The following TEX101 variants were observed in gnomAD, a reference collection of about 807,000 sequenced individuals.
TEX101 encodes testis expressed 101, also known as testis-expressed protein 101.
TEX101 carries 10 observed loss-of-function variants against 18.1 expected under a neutral mutation model. The ratio of observed to expected loss-of-function variants is 0.55; its 90% confidence interval spans 0.34 to 0.94. The LOEUF (loss-of-function observed/expected upper bound fraction) is 0.94. TEX101 is among the 40% of genes least tolerant of loss of function. TEX101 has a pLI of 0.02. For synonymous variants in TEX101, 94 were observed against 114.8 expected (o/e 0.82, Z 1.16); for missense variants, 259 against 298.9 (o/e 0.87, Z 0.98).
the TEX101 span, among the ~76,000 whole-genome samples, chr19:43,389,819 T>A: frequency 6.6e-6 from 1 of 152,264 alleles, no homozygotes; most frequent in African/African-American, 2.4e-5. Flanking sequence ...GTCCTACATC[T>A]CTCTCTGCTG....
chr19:43,405,095 G>A (rs936016597), intron 2 of TEX101, among the ~76,000 whole-genome samples: 1 of 152,186 alleles, frequency 6.6e-6, no homozygotes, highest in Non-Finnish European at 1.5e-5. Context: ...TCCCTGCAAG[G>A]TTAGTTAGTA....
intron 1 of TEX101, among the ~76,000 whole-genome samples, chr19:43,402,536 G>C (rs1471805432): frequency 6.6e-6 from 1 of 151,860 alleles, no homozygotes; most frequent in Non-Finnish European, 1.5e-5. Flanking sequence ...CAGCAGCACT[G>C]GTTTAATGAC....
the TEX101 span, among the ~76,000 whole-genome samples, chr19:43,393,632 A>G: frequency 1.3e-5 from 2 of 152,300 alleles, no homozygotes; most frequent in East Asian, 3.9e-4. Context: ...CTTGGCATGA[A>G]TCCCCATTCA....
upstream of TEX101, among the ~76,000 whole-genome samples, chr19:43,413,276 C>A (rs571174585): frequency 5.9e-5 from 9 of 151,618 alleles, no homozygotes; most frequent in Admixed American, 5.9e-4. Context: ...GGGGGGCGGG[C>A]GGATCACGAG....
rs757200433 is a variant in TEX101, at chr19:43,406,513, G to C, written c.9G>C (p.Ala3=). Residue 3 remains alanine (A), a synonymous_variant, in exon 3 of 8, where the codon GCG becomes GCC. Coordinates refer to the TEX101 transcript ENST00000602198. ...CCATCTTCAGTTCCCGCATGGGGGC[G>C]AGGCAGGTACATGGGCCTTGCGGGC... is the stretch of plus-strand genomic sequence containing the variant. 6 of 751,912 alleles carry C rather than the reference G, an allele frequency of 8.0e-6. No individual in the cohort carries two copies. In the Admixed American group the frequency reaches 1.1e-4, roughly 14 times the overall value. 46.6% of individuals were successfully genotyped at this position (751,912 alleles called of 1,614,324 possible). A position where few individuals can be genotyped will look rare whatever the true frequency, so the allele number is the denominator to read the frequency against.
chr19:43,414,392 C>T (rs112968680), upstream of TEX101, among the ~76,000 whole-genome samples: 4 of 152,212 alleles, frequency 2.6e-5, no homozygotes, highest in African/African-American at 4.8e-5. Context: ...GGTGCGATAG[C>T]GCAATCAGAT....
upstream of TEX101, among the ~76,000 whole-genome samples, chr19:43,397,680 T>C (rs1970279352): frequency 6.8e-6 from 1 of 147,778 alleles, no homozygotes; most frequent in Non-Finnish European, 1.5e-5. Context: ...CACAATACCG[T>C]GATCACGCCT....
At chr19:43,416,324 C>A in intron 3 of TEX101, 49 bp from the exon 4 acceptor site, 1 of 1,589,902 alleles carries the variant, frequency 6.3e-7, no homozygotes, top group Non-Finnish European at 8.6e-7. Context: ...TCGTCCAGGC[C>A]AATTGTGACG....
the TEX101 span, among the ~76,000 whole-genome samples, chr19:43,391,444 G>C: frequency 8.0e-6 from 1 of 125,226 alleles, no homozygotes; most frequent in Non-Finnish European, 1.6e-5. Flanking sequence ...AACAACCATC[G>C]TAATGGATGT....
chr19:43,410,921 A>C (rs1351090488), upstream of TEX101, among the ~76,000 whole-genome samples: 1 of 152,176 alleles, frequency 6.6e-6, no homozygotes, highest in Non-Finnish European at 1.5e-5. Context: ...CAAAAGCTGG[A>C]GTACAGTGGC....
chr19:43,406,363 T>G, exon 3 of TEX101: 1 of 665,560 alleles, frequency 1.5e-6, no homozygotes, highest in Non-Finnish European at 2.8e-6. Context: ...CGTCCCTACA[T>G]AGCATCCAGC....
upstream of TEX101, among the ~76,000 whole-genome samples, chr19:43,411,708 T>C (rs1389792160): frequency 1.3e-5 from 2 of 152,108 alleles, no homozygotes; most frequent in South Asian, 2.1e-4. Flanking sequence ...TGGAGTGCAA[T>C]GGTGCAGTCT....
At chr19:43,409,876 G>T (rs1599900270) in intron 3 of TEX101, among the ~76,000 whole-genome samples, 1 of 152,082 alleles carries the variant, frequency 6.6e-6, no homozygotes, top group African/African-American at 2.4e-5. Context: ...GTGGCTTGGG[G>T]TTTAATAGTA....
At position 43,415,009 on chromosome 19, in the gene TEX101, G is replaced by A. The variant is rs1358132681; in HGVS notation, c.-69G>A. The A allele has an allele frequency of 1.9e-5, 19 of 985,294 alleles. No homozygotes were observed. The highest frequency in any genetic ancestry group is 2.3e-5 in the Non-Finnish European group (19 of 829,950). 61.0% of individuals were successfully genotyped at this position (985,294 alleles called of 1,614,324 possible). On this transcript the variant is annotated 5_prime_UTR_variant, in exon 1 of 6. Transcript: ENST00000598265. Reference sequence around the variant, plus strand: ...TTTGCTTCTTTAAAGAGAAAAAGAAGGCTAGGGACTCAGATTCCTGGATTC... The same window carrying A: ...TTTGCTTCTTTAAAGAGAAAAAGAAAGCTAGGGACTCAGATTCCTGGATTC...
chr19:43,388,873 C>T, the TEX101 span, among the ~76,000 whole-genome samples: 30,415 of 151,928 alleles, frequency 0.2, 3,840 homozygotes, highest in African/African-American at 0.36. Context: ...GTTTCTTAAT[C>T]ATATTTTTCC....
upstream of TEX101, among the ~76,000 whole-genome samples, chr19:43,399,084 T>C (rs1970298302): frequency 1.3e-5 from 2 of 152,232 alleles, no homozygotes; most frequent in Non-Finnish European, 2.9e-5. Context: ...TGTTGTCTTA[T>C]AGAATGCCCA....
chr19:43,417,729 A>C, intron 4 of TEX101, 149 bp from the exon 5 acceptor site: 1 of 963,450 alleles, frequency 1.0e-6, no homozygotes, highest in Non-Finnish European at 1.6e-6. Flanking sequence ...ACAGCAGAGA[A>C]CACCAGCTGG....
At chr19:43,393,099 G>GGAAGGAAGGAAGGAAGGAAAGAAA in the TEX101 span, among the ~76,000 whole-genome samples, 2 of 150,302 alleles carry the variant, frequency 1.3e-5, no homozygotes, top group African/African-American at 4.9e-5. Context: ...AAGGAAGGAA[G>GGAAGGAAGGAAGGAAGGAAAGAAA]GAAGGAAAGA....
upstream of TEX101, among the ~76,000 whole-genome samples, chr19:43,397,679 G>A (rs8109124): frequency 0.32 from 46,702 of 146,914 alleles, 7,899 homozygotes; most frequent in Non-Finnish European, 0.39. Flanking sequence ...CCACAATACC[G>A]TGATCACGCC....
Sources: gnomAD v4.1 joint callset for allele counts (sites outside exome capture counted in the v4.1 genomes callset) on GRCh38, gnomAD v4.1.1 for gene constraint, MANE v1.5 for transcripts, NCBI Gene and HGNC (gene_info 2026-07-23, HGNC 2026-07-21) for gene names.